The following MMP16 variants were observed in gnomAD, a reference collection of about 807,000 sequenced individuals.
The protein encoded by MMP16 is matrix metalloproteinase-16.
A neutral mutation model predicts 67.8 loss-of-function variants in MMP16; 12 were observed. The ratio of observed to expected loss-of-function variants is 0.18; its 90% CI spans 0.11 to 0.29. The LOEUF (loss-of-function observed/expected upper bound fraction) is 0.29. MMP16 is among the 10% of genes least tolerant of loss of function. The pLI, the probability that MMP16 is intolerant of heterozygous loss-of-function variation, is 1.00. For synonymous variants in MMP16, 249 were observed against 255.9 expected (o/e 0.97, Z 0.26); for missense variants, 475 against 765.7 (o/e 0.62, Z 4.48).
At chr8:88,073,438 C>T (rs1338791335) in intron 7 of MMP16, among the ~76,000 whole-genome samples, 1 of 152,064 alleles carries the variant, frequency 6.6e-6, no homozygotes, top group East Asian at 1.9e-4. Context: ...AATACAAACT[C>T]CATTTTTCAG....
chr8:88,294,471 C>G (rs1563586976), intron 1 of MMP16, among the ~76,000 whole-genome samples: 1 of 149,442 alleles, frequency 6.7e-6, no homozygotes, highest in Non-Finnish European at 1.5e-5. Context: ...TCTCTGTACA[C>G]ACATATGTAT....
At chr8:88,116,202 G>A (rs1246840431) in intron 6 of MMP16, among the ~76,000 whole-genome samples, 1 of 151,960 alleles carries the variant, frequency 6.6e-6, no homozygotes, top group East Asian at 1.9e-4. Flanking sequence ...ATCCCTATTA[G>A]TTCCTATTCA....
intron 6 of MMP16, among the ~76,000 whole-genome samples, chr8:88,095,213 A>C (rs1489111570): frequency 6.6e-6 from 1 of 151,852 alleles, no homozygotes; most frequent in African/African-American, 2.4e-5. Context: ...GTTGCCTTGA[A>C]ATTTGACTTA....
At chr8:88,105,533 A>T (rs1809222820) in intron 6 of MMP16, among the ~76,000 whole-genome samples, 2 of 151,548 alleles carry the variant, frequency 1.3e-5, no homozygotes, top group South Asian at 4.1e-4. Flanking sequence ...TAAGAAGCAT[A>T]GTGATGGAAA....
chr8:88,181,418 C>A (rs537937562), intron 3 of MMP16, among the ~76,000 whole-genome samples: 2 of 151,816 alleles, frequency 1.3e-5, no homozygotes, highest in South Asian at 4.2e-4. Flanking sequence ...ATATGAAAAA[C>A]ATAATACCAT....
intron 6 of MMP16, among the ~76,000 whole-genome samples, chr8:88,088,859 TG>T (rs1466855661): frequency 1.3e-5 from 2 of 152,056 alleles, no homozygotes; most frequent in Non-Finnish European, 1.5e-5. Flanking sequence ...ACTGTGCTAC[TG>T]GGTCATTTTT....
intron 2 of MMP16, among the ~76,000 whole-genome samples, chr8:88,195,045 C>G (rs766574430): frequency 1.5e-4 from 23 of 152,132 alleles, no homozygotes; most frequent in Non-Finnish European, 2.9e-4. Flanking sequence ...CCAAAAAGGC[C>G]TGTGTCCTTC....
chr8:88,096,475 T>A (rs1481865656), intron 6 of MMP16, among the ~76,000 whole-genome samples: 1 of 151,902 alleles, frequency 6.6e-6, no homozygotes, highest in Non-Finnish European at 1.5e-5. Context: ...AGTTGAGGAC[T>A]GTATTTCCTG....
In MMP16 at chr8:88,118,825, C is replaced by A; in HGVS notation, c.746G>T (p.Gly249Val). The A allele has an allele frequency of 6.2e-7, 1 of 1,613,230 alleles. No individual in the cohort carries two copies. The highest frequency in any genetic ancestry group is 8.5e-7 in the Non-Finnish European group (1 of 1,179,584). ...GGAATGCTCCAATCCCAGAGCATGT[C>A]CCAGTTCATGGACTGCTACAAGAAA... is the stretch of plus-strand genomic sequence containing the variant. ...DLFLVAVHEL[G>V]HALGLEHSND... is the part of the protein sequence containing the mutation. The change falls in exon 5 of 10, where the codon GGA becomes GTA. Residue 249 changes from glycine (G) to valine (V), a missense_variant. Physicochemically the swap from Gly to Val is moderately radical, Grantham distance 109 (BLOSUM62 -3). Around this residue, in one of 5 missense-constraint regions of MMP16, gnomAD observed 195 missense variants for 300.9 expected, o/e 0.65. Transcript: ENST00000286614.
At chr8:88,070,492 T>C (rs1808534811) in intron 7 of MMP16, among the ~76,000 whole-genome samples, 1 of 152,078 alleles carries the variant, frequency 6.6e-6, no homozygotes, top group African/African-American at 2.4e-5. Flanking sequence ...CTTTTCTAGA[T>C]TTGAGTAGTT....
chr8:88,318,329 T>C (rs1380420038), intron 1 of MMP16, among the ~76,000 whole-genome samples: 3 of 152,206 alleles, frequency 2.0e-5, no homozygotes, highest in Admixed American at 6.5e-5. Context: ...TATCTAATGA[T>C]TTAGATAACT....
intron 4 of MMP16, among the ~76,000 whole-genome samples, chr8:88,141,547 T>A (rs1413077935): frequency 1.3e-5 from 2 of 152,324 alleles, no homozygotes; most frequent in East Asian, 3.9e-4. Flanking sequence ...CATTATCTAA[T>A]TCTTTGTGTT....
chr8:88,294,659 A>T (rs1474847683), intron 1 of MMP16, among the ~76,000 whole-genome samples: 1 of 152,110 alleles, frequency 6.6e-6, no homozygotes. Context: ...ATATAAACAC[A>T]TATATAACTA....
At chr8:88,054,866 G>T (rs1808311960) in intron 8 of MMP16, among the ~76,000 whole-genome samples, 1 of 152,048 alleles carries the variant, frequency 6.6e-6, no homozygotes, top group Admixed American at 6.6e-5. Context: ...CATTGCATAG[G>T]GTTATTCTAT....
Position 88,326,980 on chromosome 8 carries a change from G to C in MMP16, c.132+95C>G, listed in dbSNP as rs59113801. On this transcript the variant is annotated intron_variant, in intron 1 of 9. Coordinates refer to ENST00000286614, the MANE Select transcript of MMP16 (RefSeq NM_005941.5). ...AAGGGAAACAACGTGCTGGGACCCAGGCTGCTCTGAGCTACAAGGATCCCA... is the reference window on the plus strand; with the variant it reads ...AAGGGAAACAACGTGCTGGGACCCACGCTGCTCTGAGCTACAAGGATCCCA... 2,314 of 1,522,602 alleles carry C rather than the reference G, an allele frequency of 1.5e-3. 17 individuals carry two copies. In the African/African-American group the frequency reaches 0.024, roughly 16 times the overall value. 94.3% of individuals were successfully genotyped at this position (1,522,602 alleles called of 1,614,324 possible). A position where few individuals can be genotyped will look rare whatever the true frequency, so the allele number is the denominator to read the frequency against.
intron 4 of MMP16, among the ~76,000 whole-genome samples, chr8:88,128,679 C>A (rs1014977435): frequency 2.6e-5 from 4 of 151,614 alleles, no homozygotes; most frequent in African/African-American, 9.7e-5. Context: ...AGGGAGGAGC[C>A]TTATTTTGAT....
At chr8:88,043,805 A>C (rs1461634833) in intron 9 of MMP16, among the ~76,000 whole-genome samples, 1 of 152,224 alleles carries the variant, frequency 6.6e-6, no homozygotes, top group Non-Finnish European at 1.5e-5. Flanking sequence ...GATCACGTTA[A>C]TGAAATTCAA....
At chr8:88,221,968 T>C (rs1310865113) in intron 1 of MMP16, among the ~76,000 whole-genome samples, 1 of 152,052 alleles carries the variant, frequency 6.6e-6, no homozygotes, top group Non-Finnish European at 1.5e-5. Context: ...TTACAAAACA[T>C]CTGTCTTTTT....
intron 1 of MMP16, among the ~76,000 whole-genome samples, chr8:88,305,043 T>C (rs1037607672): frequency 1.3e-5 from 2 of 152,158 alleles, no homozygotes; most frequent in African/African-American, 4.8e-5. Context: ...CATGCTGTAT[T>C]CAACAGACCC....
Sources: allele counts gnomAD v4.1 joint callset (sites outside exome capture counted in the v4.1 genomes callset), GRCh38; gene constraint gnomAD v4.1.1; regional missense constraint gnomAD v4.1.1; transcripts MANE v1.5; gene names NCBI Gene and HGNC (gene_info 2026-07-23, HGNC 2026-07-21).